The following MAN2A1 variants were observed in gnomAD, a reference collection of about 807,000 sequenced individuals.
The protein encoded by MAN2A1 is alpha-mannosidase 2.
In MAN2A1, 76 loss-of-function variants were observed where a neutral mutation model predicts 142.6. The ratio of observed to expected loss-of-function variants is 0.53; its 90% CI spans 0.44 to 0.65. The LOEUF (loss-of-function observed/expected upper bound fraction) is 0.65. MAN2A1 is among the 30% of genes least tolerant of loss of function. The pLI is 0.00. For synonymous variants in MAN2A1, 559 were observed against 473.2 expected (o/e 1.18, Z -2.35); for missense variants, 1,311 against 1,365.1 (o/e 0.96, Z 0.62).
At chr5:109,812,059 G>A in intron 12 of MAN2A1, among the ~76,000 whole-genome samples, 1 of 152,132 alleles carries the variant, frequency 6.6e-6, no homozygotes, top group East Asian at 1.9e-4. Context: ...CCTTGGTCAG[G>A]ATACCATGAG....
At chr5:109,763,916 C>T (rs1752922172) in intron 5 of MAN2A1, among the ~76,000 whole-genome samples, 1 of 152,068 alleles carries the variant, frequency 6.6e-6, no homozygotes, top group African/African-American at 2.4e-5. Context: ...ACCCTCCTGC[C>T]TCAGCCTCCC....
At chr5:109,795,427 T>C (rs962380602) in intron 12 of MAN2A1, among the ~76,000 whole-genome samples, 1 of 152,184 alleles carries the variant, frequency 6.6e-6, no homozygotes, top group Non-Finnish European at 1.5e-5. Context: ...GTTTACGTGA[T>C]GGCTGACTAG....
At chr5:109,781,671 G>A (rs968038918) in intron 9 of MAN2A1, 73 bp downstream of exon 9, 67 of 979,984 alleles carry the variant, frequency 6.8e-5, no homozygotes, top group Admixed American at 1.1e-4. Context: ...AGAGTTTTAC[G>A]TAATATACAT....
At chr5:109,756,475 A>C (rs1431484817) in intron 5 of MAN2A1, among the ~76,000 whole-genome samples, 1 of 152,312 alleles carries the variant, frequency 6.6e-6, no homozygotes, top group South Asian at 2.1e-4. Context: ...TAGAGATAAA[A>C]TTCTTAATCC....
chr5:109,855,035 C>A (rs760243320), intron 19 of MAN2A1, 105 bp from the exon 20 acceptor site: 49 of 530,226 alleles, frequency 9.2e-5, no homozygotes, highest in Non-Finnish European at 1.2e-4. Context: ...GTAATGAAAC[C>A]AAATTATTCA....
intron 12 of MAN2A1, among the ~76,000 whole-genome samples, chr5:109,800,406 C>T (rs971952540): frequency 6.6e-6 from 1 of 152,056 alleles, no homozygotes; most frequent in Non-Finnish European, 1.5e-5. Context: ...TGGTGCCTAG[C>T]AAATCTTTAA....
chr5:109,820,451 T>C, intron 15 of MAN2A1, 109 bp downstream of exon 15: 9 of 1,121,252 alleles, frequency 8.0e-6, no homozygotes, highest in Non-Finnish European at 1.1e-5. Context: ...TTATTAGGGA[T>C]AGATGAACTT....
Position 109,867,242 on chromosome 5 carries a change from T to C in MAN2A1, c.*244T>C, listed in dbSNP as rs894437597. The C allele has an allele frequency of 2.1e-5, 6 of 286,038 alleles. No individual in the cohort carries two copies. The South Asian group carries it at 3.9e-4, about 18-fold the overall frequency. 17.7% of individuals were successfully genotyped at this position (286,038 alleles called of 1,614,324 possible). On this transcript the variant is annotated 3_prime_UTR_variant, in exon 22 of 22. Transcript: ENST00000261483. ...CTCCCATGAACTACCACCATCAGTA[T>C]GAATTGATGCAACAAATGAAGAAAT...
intron 4 of MAN2A1, among the ~76,000 whole-genome samples, chr5:109,750,823 T>C (rs1343287357): frequency 6.6e-6 from 1 of 152,080 alleles, no homozygotes; most frequent in African/African-American, 2.4e-5. Context: ...ACTAAATCAA[T>C]GGCTGTTTTA....
chr5:109,749,189 T>G (rs546064513), intron 4 of MAN2A1, among the ~76,000 whole-genome samples: 1 of 152,286 alleles, frequency 6.6e-6, no homozygotes, highest in South Asian at 2.1e-4. Flanking sequence ...AAGTTGTCTG[T>G]AACAATTTCC....
In MAN2A1 at chr5:109,784,949, A is replaced by G. The variant is rs775887745; in HGVS notation, c.1760+23A>G. 3 of 1,531,768 alleles carry G rather than the reference A, an allele frequency of 2.0e-6. No homozygotes were observed. The South Asian group carries it at 3.7e-5, about 19-fold the overall frequency. The allele number at this position is 1,531,768 out of a possible 1,614,324, so 94.9% of individuals were successfully genotyped here. A position where few individuals can be genotyped will look rare whatever the true frequency, so the allele number is the denominator to read the frequency against. On this transcript the variant is annotated intron_variant, in intron 10 of 21. Transcript: ENST00000261483. ...CAGGTAATCTAATTATAGAAAAATCATCTTTAAAAAAATCATTAAAATTAT... is the reference window on the plus strand; with the variant it reads ...CAGGTAATCTAATTATAGAAAAATCGTCTTTAAAAAAATCATTAAAATTAT...
At chr5:109,719,906 A>G (rs968160386) in intron 3 of MAN2A1, among the ~76,000 whole-genome samples, 1 of 152,300 alleles carries the variant, frequency 6.6e-6, no homozygotes, top group South Asian at 2.1e-4. Context: ...GTTTTACATG[A>G]GTAAAAACTG....
At chr5:109,774,247 T>C (rs560914100) in intron 7 of MAN2A1, among the ~76,000 whole-genome samples, 91 of 152,238 alleles carry the variant, frequency 6.0e-4, no homozygotes, top group African/African-American at 2.0e-3. Flanking sequence ...AGAGGAAATA[T>C]GACTCTATAA....
At chr5:109,764,889 A>C (rs901736408) in intron 5 of MAN2A1, among the ~76,000 whole-genome samples, 1 of 152,102 alleles carries the variant, frequency 6.6e-6, no homozygotes, top group Non-Finnish European at 1.5e-5. Flanking sequence ...TATAAGTGGC[A>C]TCATAGTACT....
Position 109,781,488 on chromosome 5 carries a change from AAG to A in MAN2A1, c.1468_1469del (p.Ser490TrpfsTer11). ...DKGQSMFPVL[S>X]GDFFTYADRD... ...AGGGCCAATCGATGTTCCCTGTTTT[AAG>A]TGGAGATTTTTTCACTTATGCCGAT... is the stretch of plus-strand genomic sequence containing the variant. On this transcript the variant is annotated frameshift_variant, in exon 9 of 22. Transcript: ENST00000261483. LOFTEE classifies it high-confidence loss of function. The A allele has an allele frequency of 6.2e-7, 1 of 1,613,350 alleles. No individual in the cohort carries two copies. The highest frequency in any genetic ancestry group is 8.5e-7 in the Non-Finnish European group (1 of 1,179,682).
chr5:109,707,534 A>G (rs990999424), intron 1 of MAN2A1, among the ~76,000 whole-genome samples: 5 of 152,212 alleles, frequency 3.3e-5, no homozygotes, highest in African/African-American at 9.6e-5. Flanking sequence ...GAAGCAATAC[A>G]TGAATAAAAT....
chr5:109,774,932 T>G lies in MAN2A1; in HGVS notation c.1341T>G (p.Asp447Glu). 1 of 1,609,668 alleles carries G rather than the reference T, an allele frequency of 6.2e-7. No individual in the cohort carries two copies. The highest frequency in any genetic ancestry group is 8.5e-7 in the Non-Finnish European group (1 of 1,177,608). The change falls in exon 8 of 22, where the codon GAT (aspartate) becomes GAG (glutamate). Residue 447 changes from aspartate to glutamate, a missense_variant. By Grantham distance (45) the Asp-to-Glu change is conservative. Transcript: ENST00000261483. ...TTAAGAATTATCAGCAGCTTTTTGA[T>G]TATATGAATTCTCAGTCCAAGTTTA... ...LQFKNYQQLF[D>E]YMNSQSKFKV...
At chr5:109,830,458 A>C (rs555937864) in intron 16 of MAN2A1, among the ~76,000 whole-genome samples, 1 of 152,360 alleles carries the variant, frequency 6.6e-6, no homozygotes, top group East Asian at 1.9e-4. Flanking sequence ...GGTCTTAGCC[A>C]AAAGGCCAAG....
At chr5:109,741,108 C>G (rs1008684524) in intron 4 of MAN2A1, among the ~76,000 whole-genome samples, 1 of 152,076 alleles carries the variant, frequency 6.6e-6, no homozygotes, top group Non-Finnish European at 1.5e-5. Context: ...ACTCAGATTC[C>G]TTCTGAGTGA....
Sources: allele counts gnomAD v4.1 joint callset (sites outside exome capture counted in the v4.1 genomes callset), GRCh38; gene constraint gnomAD v4.1.1; transcripts MANE v1.5; gene names NCBI Gene and HGNC (gene_info 2026-07-23, HGNC 2026-07-21).